Variants in SH3RF1 observed in about 807,000 individuals in gnomAD.
SH3RF1 encodes the protein SH3 domain containing ring finger 1.
SH3RF1 carries 32 observed loss-of-function variants against 74.0 expected under a neutral mutation model. The ratio of observed to expected loss-of-function variants is 0.43; its 90% CI spans 0.33 to 0.58. The LOEUF (loss-of-function observed/expected upper bound fraction) is 0.58. Among genes scored for constraint, SH3RF1 ranks in the 20% least tolerant of loss-of-function variants. The pLI is 0.05. For missense variants in SH3RF1, 954 were observed against 1,130.9 expected (o/e 0.84, Z 2.24); for synonymous variants, 396 against 439.6 (o/e 0.90, Z 1.24).
intron 2 of SH3RF1, among the ~76,000 whole-genome samples, chr4:169,264,837 G>A (rs1731328595): frequency 6.6e-6 from 1 of 152,150 alleles, no homozygotes; most frequent in Non-Finnish European, 1.5e-5. Context: ...GGCTTGCCTA[G>A]TTCACACTTA....
At chr4:169,255,614 T>TAC (rs1192993515) in intron 2 of SH3RF1, among the ~76,000 whole-genome samples, 11 of 59,164 alleles carry the variant, frequency 1.9e-4, no homozygotes, top group East Asian at 5.5e-4. Flanking sequence ...CACACATACA[T>TAC]ACACACATAC....
intron 2 of SH3RF1, among the ~76,000 whole-genome samples, chr4:169,212,058 T>TTTTC (rs1730385125): frequency 1.7e-5 from 1 of 57,480 alleles, no homozygotes; most frequent in Admixed American, 2.0e-4. Context: ...TTTTCTTTTC[T>TTTTC]TTTTTTTTTT....
intron 10 of SH3RF1, among the ~76,000 whole-genome samples, chr4:169,110,927 C>T (rs891825775): frequency 6.6e-6 from 1 of 152,258 alleles, no homozygotes; most frequent in African/African-American, 2.4e-5. Context: ...TCGATACCAG[C>T]ATCAGAGGTG....
intron 5 of SH3RF1, among the ~76,000 whole-genome samples, chr4:169,135,918 A>G (rs1260789147): frequency 6.6e-6 from 1 of 152,222 alleles, no homozygotes; most frequent in Non-Finnish European, 1.5e-5. Flanking sequence ...ACATAGATAC[A>G]AGCAACTACA....
intron 4 of SH3RF1, among the ~76,000 whole-genome samples, chr4:169,148,630 T>A (rs947337070): frequency 6.6e-6 from 1 of 152,098 alleles, no homozygotes; most frequent in Admixed American, 6.6e-5. Context: ...TAATAAATCA[T>A]CAACAAACCT....
intron 2 of SH3RF1, among the ~76,000 whole-genome samples, chr4:169,238,492 C>G (rs1039243229): frequency 2.6e-5 from 4 of 152,202 alleles, no homozygotes; most frequent in Non-Finnish European, 4.4e-5. Flanking sequence ...TCTTATACAT[C>G]TTGTCCTGAT....
At chr4:169,109,171 A>T (rs553414541) in intron 10 of SH3RF1, among the ~76,000 whole-genome samples, 1 of 152,310 alleles carries the variant, frequency 6.6e-6, no homozygotes, top group South Asian at 2.1e-4. Context: ...TCTTGCCATG[A>T]TGTAAGAAAG....
intron 2 of SH3RF1, among the ~76,000 whole-genome samples, chr4:169,221,510 A>G (rs1293438877): frequency 6.6e-6 from 1 of 152,212 alleles, no homozygotes; most frequent in Non-Finnish European, 1.5e-5. Flanking sequence ...AATCAGTTAC[A>G]CCAACAACTC....
At chr4:169,122,519 G>GGA (rs1177416096) in intron 6 of SH3RF1, among the ~76,000 whole-genome samples, 1 of 152,126 alleles carries the variant, frequency 6.6e-6, no homozygotes, top group African/African-American at 2.4e-5. Context: ...ACCCTTGGGA[G>GGA]GAGGGAAAGA....
At chr4:169,131,473 C>T (rs1475218630) in intron 5 of SH3RF1, among the ~76,000 whole-genome samples, 2 of 152,084 alleles carry the variant, frequency 1.3e-5, no homozygotes, top group African/African-American at 4.8e-5. Flanking sequence ...GAACTCCAAA[C>T]CCTCATTTTC....
chr4:169,104,086 G>T (rs1417208808), intron 11 of SH3RF1, among the ~76,000 whole-genome samples: 1 of 152,164 alleles, frequency 6.6e-6, no homozygotes, highest in Admixed American at 6.5e-5. Context: ...TAAGAGGAAG[G>T]GACCGGAATG....
chr4:169,199,052 T>C (rs1734866969), intron 2 of SH3RF1, among the ~76,000 whole-genome samples: 1 of 152,108 alleles, frequency 6.6e-6, no homozygotes, highest in South Asian at 2.1e-4. Context: ...AGCAAATAAA[T>C]TGGTAAAATA....
intron 11 of SH3RF1, among the ~76,000 whole-genome samples, chr4:169,103,696 C>T (rs1733080759): frequency 1.3e-5 from 2 of 152,182 alleles, no homozygotes; most frequent in South Asian, 4.2e-4. Flanking sequence ...GTTATTTTTA[C>T]TGTGAGACAG....
intron 10 of SH3RF1, among the ~76,000 whole-genome samples, chr4:169,112,963 A>C (rs1320680290): frequency 6.6e-6 from 1 of 152,234 alleles, no homozygotes; most frequent in East Asian, 1.9e-4. Flanking sequence ...TTTAGAGATC[A>C]AATGATTACT....
chr4:169,237,438 C>G (rs1730838401), intron 2 of SH3RF1, among the ~76,000 whole-genome samples: 1 of 152,116 alleles, frequency 6.6e-6, no homozygotes, highest in Non-Finnish European at 1.5e-5. Flanking sequence ...GCCAGGAGTT[C>G]AAGACCAGCT....
At chr4:169,268,624 A>G (rs1382785542) in intron 2 of SH3RF1, among the ~76,000 whole-genome samples, 196 bp downstream of exon 2, 2 of 152,234 alleles carry the variant, frequency 1.3e-5, no homozygotes, top group African/African-American at 4.8e-5. Flanking sequence ...AATTTTCAAA[A>G]CAATAAAATT....
intron 2 of SH3RF1, among the ~76,000 whole-genome samples, chr4:169,221,432 A>G (rs1287446584): frequency 6.6e-6 from 1 of 152,200 alleles, no homozygotes; most frequent in African/African-American, 2.4e-5. Flanking sequence ...TAAAACTCTT[A>G]AAATTACTCA....
intron 11 of SH3RF1, 149 bp downstream of exon 11, chr4:169,106,698 G>A (rs911497634): frequency 7.0e-5 from 46 of 659,252 alleles, no homozygotes; most frequent in Admixed American, 2.7e-4. Flanking sequence ...CATGTCAAGT[G>A]GGAAAAGAAA....
chr4:169,204,253 A>C (rs1049502553), intron 2 of SH3RF1: 1 of 151,726 alleles, frequency 6.6e-6, no homozygotes, highest in Non-Finnish European at 1.5e-5. Flanking sequence ...CGAGTACTGT[A>C]GTTTACGTTT....
Sources: allele counts gnomAD v4.1 joint callset (sites outside exome capture counted in the v4.1 genomes callset), GRCh38; gene constraint gnomAD v4.1.1; transcripts MANE v1.5; gene names NCBI Gene and HGNC (gene_info 2026-07-23, HGNC 2026-07-21).